Variants in LARP1B observed in about 807,000 individuals in gnomAD.
LARP1B encodes the protein la-related protein 1B.
In LARP1B, 76 loss-of-function variants were observed where a neutral mutation model predicts 114.2. That is an observed-to-expected ratio of 0.67 (90% CI 0.55 to 0.81). LARP1B has a LOEUF of 0.81. Ranked by LOEUF, LARP1B falls within the 30% of genes least tolerant of loss-of-function variation. LARP1B has a pLI of 0.00. For synonymous variants in LARP1B, 345 were observed against 348.0 expected (o/e 0.99, Z 0.10); for missense variants, 1,014 against 1,075.8 (o/e 0.94, Z 0.80).
At chr4:128,103,919 C>T (rs1282164861) in intron 8 of LARP1B, among the ~76,000 whole-genome samples, 1 of 151,132 alleles carries the variant, frequency 6.6e-6, no homozygotes. Context: ...AGTAGCTGTA[C>T]ATAAAGAACT....
At chr4:128,083,577 C>A (rs1449892032) in intron 5 of LARP1B, among the ~76,000 whole-genome samples, 3 of 143,144 alleles carry the variant, frequency 2.1e-5, no homozygotes, top group African/African-American at 7.8e-5. Flanking sequence ...AGGGGGCTGA[C>A]CCCCCCACCT....
intron 11 of LARP1B, among the ~76,000 whole-genome samples, chr4:128,126,822 TA>T (rs774845131): frequency 3.3e-5 from 5 of 150,386 alleles, no homozygotes; most frequent in Admixed American, 6.6e-5. Flanking sequence ...GTTTTTTTTT[TA>T]AAAAAAGGTA....
chr4:128,220,700 G>A (rs1366680550), intron 7 of LARP1B, among the ~76,000 whole-genome samples: 1 of 152,130 alleles, frequency 6.6e-6, no homozygotes, highest in African/African-American at 2.4e-5. Flanking sequence ...AGAGTTTGAA[G>A]TACTTCATTA....
intron 3 of LARP1B, 52 bp from the exon 4 acceptor site, chr4:128,077,736 T>G: frequency 6.9e-7 from 1 of 1,454,220 alleles, no homozygotes; most frequent in African/African-American, 1.4e-5. Context: ...TTTTTGGGTA[T>G]GTTAGTGAAA....
chr4:128,117,936 A>G (rs1786462016), intron 10 of LARP1B, among the ~76,000 whole-genome samples: 1 of 125,186 alleles, frequency 8.0e-6, no homozygotes, highest in Admixed American at 8.7e-5. Flanking sequence ...TTTTTTTGGC[A>G]GAGGGTTTCA....
At chr4:128,066,883 C>G (rs1009707809) in intron 1 of LARP1B, among the ~76,000 whole-genome samples, 1 of 151,478 alleles carries the variant, frequency 6.6e-6, no homozygotes, top group African/African-American at 2.4e-5. Flanking sequence ...TGCAACCCCC[C>G]ACCTCCCAGG....
chr4:128,179,515 A>G lies in LARP1B; in HGVS notation c.2003+3A>G, dbSNP rs1328941500. 2.6e-6 allele frequency: 4 copies of G among 1,540,146 alleles called. No homozygotes were observed. The African/African-American group carries it at 5.5e-5, about 21-fold the overall frequency. ...GGGCCAGGAACATCCTCTGTCAGGT[A>G]CTATATTTCTCAAACATTACTTTTT... On this transcript the variant is annotated splice_donor_region_variant and intron_variant, in intron 15 of 19. Transcript: ENST00000326639.
intron 11 of LARP1B, among the ~76,000 whole-genome samples, chr4:128,152,363 C>G (rs892165806): frequency 4.0e-5 from 6 of 151,684 alleles, no homozygotes; most frequent in African/African-American, 1.5e-4. Flanking sequence ...ACCACCACGC[C>G]CAGCTAATTT....
chr4:128,129,016 T>C (rs994047952), intron 11 of LARP1B, among the ~76,000 whole-genome samples: 1 of 151,264 alleles, frequency 6.6e-6, no homozygotes, highest in Admixed American at 6.6e-5. Context: ...TACAAAAAAA[T>C]TAGCCAGGCG....
intron 17 of LARP1B, among the ~76,000 whole-genome samples, chr4:128,205,689 AC>A (rs1039127584): frequency 4.1e-4 from 37 of 89,782 alleles, no homozygotes; most frequent in Non-Finnish European, 9.1e-4. Context: ...GCACAGCCGT[AC>A]AGTCTTTATC....
Position 128,114,750 on chromosome 4 carries a change from G to A in LARP1B, c.1161+8G>A, listed in dbSNP as rs1785209078. On this transcript the variant is annotated splice_region_variant and intron_variant, in intron 10 of 19. Coordinates refer to ENST00000326639, the MANE Select transcript of LARP1B (RefSeq NM_018078.4). Reference sequence around the variant, plus strand: ...GCCCCAGTGAAATTGAGGGTAAGTTGTTACAGACTGAGTGAAGTGTGACAT... The same window carrying A: ...GCCCCAGTGAAATTGAGGGTAAGTTATTACAGACTGAGTGAAGTGTGACAT... 6.2e-7 allele frequency: 1 copy of A among 1,613,500 alleles called. No homozygotes were observed. Among genetic ancestry groups the A allele is most frequent in the African/African-American group, 1.3e-5 (1 of 75,030 alleles).
intron 11 of LARP1B, among the ~76,000 whole-genome samples, chr4:128,140,824 G>GTTGTTTTTTA (rs55639320): frequency 7.2e-6 from 1 of 138,604 alleles, no homozygotes; most frequent in Non-Finnish European, 1.6e-5. Flanking sequence ...AATTGTCTCT[G>GTTGTTTTTTA]TTTTTTTTTT....
chr4:128,184,166 CA>C (rs933664682), intron 15 of LARP1B, among the ~76,000 whole-genome samples: 1 of 152,176 alleles, frequency 6.6e-6, no homozygotes, highest in African/African-American at 2.4e-5. Context: ...CTCCAATTTT[CA>C]AAGGAGTTCT....
rs148355598 is a variant in LARP1B at position 128,154,662 on chromosome 4, T to C, written c.1525-7532T>C. On this transcript the variant is annotated intron_variant, in intron 11 of 19. Transcript: ENST00000326639. The stretch of plus-strand genomic sequence containing the variant: ...TTCAGATATTACTCTTCCAGGAAAA[T>C]CTTATTTGATAAATTTTGTGCTCAA... Among the ~76,000 whole-genome samples, 355 of 152,288 alleles carry C rather than the reference T, an allele frequency of 2.3e-3. 1 individual carries two copies. The highest frequency in any genetic ancestry group is 7.9e-3 in the African/African-American group (328 of 41,556).
chr4:128,096,635 C>T (rs1035888515), intron 7 of LARP1B, among the ~76,000 whole-genome samples: 2 of 151,210 alleles, frequency 1.3e-5, no homozygotes, highest in Admixed American at 6.6e-5. Flanking sequence ...GAGTCTCGCT[C>T]TGTCGCCCAG....
intron 11 of LARP1B, among the ~76,000 whole-genome samples, chr4:128,147,744 T>C (rs1730986016): frequency 6.6e-6 from 1 of 152,130 alleles, no homozygotes; most frequent in Non-Finnish European, 1.5e-5. Context: ...CTTCATCAAA[T>C]AATAGAATTA....
chr4:128,214,012 T>C (rs1008714420), downstream of LARP1B, among the ~76,000 whole-genome samples: 1 of 150,458 alleles, frequency 6.6e-6, no homozygotes, highest in South Asian at 2.1e-4. Flanking sequence ...GGTCAGGGAG[T>C]TCCCTTTCCG....
At chr4:128,196,908 T>C (rs533720234) in intron 15 of LARP1B, among the ~76,000 whole-genome samples, 1 of 152,298 alleles carries the variant, frequency 6.6e-6, no homozygotes, top group South Asian at 2.1e-4. Context: ...ATGGATGAGC[T>C]TTGAAAACAT....
intron 5 of LARP1B, among the ~76,000 whole-genome samples, chr4:128,087,912 ATTG>A (rs1561139447): frequency 1.3e-5 from 2 of 151,974 alleles, no homozygotes; most frequent in Non-Finnish European, 2.9e-5. Context: ...CTTTTTTTCT[ATTG>A]TTTTTCAAAA....
Sources: allele counts gnomAD v4.1 joint callset (sites outside exome capture counted in the v4.1 genomes callset), GRCh38; gene constraint gnomAD v4.1.1; transcripts MANE v1.5; gene names NCBI Gene and HGNC (gene_info 2026-07-23, HGNC 2026-07-21).